GCN1: variants seen among roughly 807,000 people sequenced by gnomAD.
GCN1 encodes the protein GCN1 activator of EIF2AK4.
Under a neutral mutation model 288.4 loss-of-function variants are expected in GCN1, and 90 were observed. The observed-to-expected ratio is 0.31, with a 90% CI of 0.26 to 0.37. GCN1 has a LOEUF of 0.37. Among genes scored for constraint, GCN1 ranks in the 10% least tolerant of loss-of-function variants. The pLI, the probability that GCN1 is intolerant of heterozygous loss-of-function variation, is 1.00. For missense variants in GCN1, 2,586 were observed against 3,419.9 expected (o/e 0.76, Z 6.08); for synonymous variants, 1,386 against 1,420.2 (o/e 0.98, Z 0.54).
Position 120,194,666 on chromosome 12 carries a change from G to A in GCN1, c.18+14C>T, listed in dbSNP as rs1229398550. On this transcript the variant is annotated intron_variant, in intron 1 of 57. Transcript: ENST00000300648. ...AGTCCCTGGCCGCGTTGGCCCCGCAGCCGCCCGCCTCACCTGCGTGTCCGC... is the reference window on the plus strand; with the variant it reads ...AGTCCCTGGCCGCGTTGGCCCCGCAACCGCCCGCCTCACCTGCGTGTCCGC... The A allele has an allele frequency of 6.6e-7, 1 of 1,514,316 alleles. No individual in the cohort carries two copies. The highest frequency in any genetic ancestry group is 8.8e-7 in the Non-Finnish European group (1 of 1,137,706). 93.8% of individuals were successfully genotyped at this position (1,514,316 alleles called of 1,614,324 possible).
chr12:120,191,213 G>C (rs1878994808), intron 1 of GCN1, among the ~76,000 whole-genome samples: 1 of 152,352 alleles, frequency 6.6e-6, no homozygotes, highest in Non-Finnish European at 1.5e-5. Context: ...TCACTGCTCA[G>C]AGTGGGGTCG....
rs893901812 is a variant in GCN1, at chr12:120,142,343, A to T, written c.5829+164T>A. Among the ~76,000 whole-genome samples, 1 of 152,166 alleles carries T rather than the reference A, an allele frequency of 6.6e-6. No individual in the cohort carries two copies. Among genetic ancestry groups the T allele is most frequent in the African/African-American group, 2.4e-5 (1 of 41,430 alleles). ...TCCACCTCAAAAAAATAAATAAAAT[A>T]AAATTAATCAAAAAATATTTGCAGA... On this transcript the variant is annotated intron_variant, in intron 44 of 57. Coordinates refer to ENST00000300648, the MANE Select transcript of GCN1 (RefSeq NM_006836.2). This position sits in a 1 kb window ranked among gnomAD's most constrained non-coding sequence, Gnocchi z 4.9.
intron 22 of GCN1, 137 bp from the exon 23 acceptor site, chr12:120,160,392 T>C (rs1877888547): frequency 1.6e-6 from 1 of 638,342 alleles, no homozygotes; most frequent in Non-Finnish European, 2.8e-6. Flanking sequence ...GAACCCACCA[T>C]GTGCACCCCC....
chr12:120,148,361 C>T lies in GCN1; in HGVS notation c.4547-15G>A, dbSNP rs1476733524. The T allele has an allele frequency of 1.2e-6, 2 of 1,607,628 alleles. No individual in the cohort carries two copies. Among genetic ancestry groups the T allele is most frequent in the East Asian group, 4.5e-5 (2 of 44,854 alleles). On this transcript the variant is annotated splice_polypyrimidine_tract_variant and intron_variant, in intron 36 of 57. Coordinates refer to ENST00000300648, the MANE Select transcript of GCN1 (RefSeq NM_006836.2). ...CTCCACTGACCCTGTGGATAGCAGA[C>T]ACAAGCCCAGTACTGAATCACTGAG...
chr12:120,139,009 TA>T (rs67609099), intron 45 of GCN1, 153 bp from the exon 46 acceptor site: 51 of 608,386 alleles, frequency 8.4e-5, no homozygotes, highest in Middle Eastern at 4.8e-4. Flanking sequence ...TACTGTGAAA[TA>T]AAAAAAAGGA....
chr12:120,181,876 A>G (rs1485569527), intron 5 of GCN1, among the ~76,000 whole-genome samples: 1 of 145,602 alleles, frequency 6.9e-6, no homozygotes, highest in African/African-American at 2.6e-5. Context: ...GCTGGGCACA[A>G]TGGCTCATAC....
chr12:120,194,629 C>T (rs1350557741), intron 1 of GCN1, 51 bp downstream of exon 1: 2 of 1,498,450 alleles, frequency 1.3e-6, no homozygotes, highest in East Asian at 2.6e-5. Context: ...CCGACGGCCA[C>T]CGTCCGCACC....
rs1877800061 is a variant in GCN1 at position 120,157,842 on chromosome 12, T to C, written c.3087+7A>G. The C allele has an allele frequency of 6.2e-7, 1 of 1,611,838 alleles. No homozygotes were observed. Among genetic ancestry groups the C allele is most frequent in the Non-Finnish European group, 8.5e-7 (1 of 1,178,590 alleles). On this transcript the variant is annotated splice_region_variant and intron_variant, in intron 26 of 57. Transcript: ENST00000300648. Reference sequence around the variant, plus strand: ...AACCAAGAGGAGAGCAGAGCTTCCCTGCCAACCTCGTCCACCCGCCCGGGT... The same window carrying C: ...AACCAAGAGGAGAGCAGAGCTTCCCCGCCAACCTCGTCCACCCGCCCGGGT...
chr12:120,142,896 T>C lies in GCN1; in HGVS notation c.5541A>G (p.Ser1847=). Residue 1847 remains serine, a synonymous_variant, in exon 43 of 58, where the codon TCA becomes TCG. Transcript: ENST00000300648. The surrounding 1 kb of genome is among the most constrained non-coding windows in gnomAD (Gnocchi z 4.9). The part of the protein sequence containing the change: ...QLLGDLLFHI[S]GVTGKMTTET... Reference sequence around the variant, plus strand: ...CTGTGGTCATCTTCCCAGTGACTCCTGAGATGTGAAACAGGAGATCCCCAA... The same window carrying C: ...CTGTGGTCATCTTCCCAGTGACTCCCGAGATGTGAAACAGGAGATCCCCAA... The C allele has an allele frequency of 6.2e-7, 1 of 1,613,786 alleles. No homozygotes were observed. Among genetic ancestry groups the C allele is most frequent in the Non-Finnish European group, 8.5e-7 (1 of 1,179,684 alleles).
chr12:120,174,361 C>A (rs764264811), intron 12 of GCN1, among the ~76,000 whole-genome samples, 192 bp from the exon 13 acceptor site: 2 of 152,234 alleles, frequency 1.3e-5, no homozygotes, highest in Middle Eastern at 3.4e-3. Context: ...AGAAGCCAAG[C>A]CTCCTGCTAG....
At chr12:120,151,014 C>T in intron 34 of GCN1, 131 bp downstream of exon 34, 1 of 981,200 alleles carries the variant, frequency 1.0e-6, no homozygotes, top group Non-Finnish European at 1.5e-6. Flanking sequence ...CTGGGTCGCA[C>T]ACAGCGGGGC....
Position 120,130,662 on chromosome 12 carries a change from G to A in GCN1, c.7655C>T (p.Ser2552Phe), listed in dbSNP as rs570700576. The stretch of plus-strand genomic sequence containing the variant: ...CCCACTCACCTTAACGAACAGGCTG[G>A]AAAGTTTGGCCGGCAACTGCCCTCC... ...TGGGQLPAKL[S>F]SLFVKCLQNP... Residue 2552 changes from serine to phenylalanine, a missense_variant, in exon 56 of 58, where the codon TCC becomes TTC. Coordinates refer to ENST00000300648, the MANE Select transcript of GCN1 (RefSeq NM_006836.2). 1 of 1,612,968 alleles carries A rather than the reference G, an allele frequency of 6.2e-7. No homozygotes were observed. The highest frequency in any genetic ancestry group is 1.7e-5 in the Admixed American group (1 of 60,000).
intron 2 of GCN1, among the ~76,000 whole-genome samples, chr12:120,186,774 C>T (rs1468364584): frequency 1.3e-5 from 2 of 152,228 alleles, no homozygotes; most frequent in Non-Finnish European, 2.9e-5. Context: ...CAATGCGTTA[C>T]ATTTACTCCA....
Position 120,156,481 on chromosome 12 carries a change from C to T in GCN1, c.3292G>A (p.Val1098Met), listed in dbSNP as rs1263092625. Residue 1098 changes from valine (V) to methionine (M), a missense_variant, in exon 28 of 58, where the codon GTG (valine) becomes ATG (methionine). Transcript: ENST00000300648. The surrounding 1 kb of genome is among the most constrained non-coding windows in gnomAD (Gnocchi z 5.8). ...CACACCCGGAGCACGGTTTCCCGCA[C>T]GCTGGCACACGGGGACTGCAAGGCA... ...LCALQSPCAS[V>M]RETVLRGLME... is the part of the protein sequence containing the mutation. 15 of 1,613,830 alleles carry T rather than the reference C, an allele frequency of 9.3e-6. No individual in the cohort carries two copies. The highest frequency in any genetic ancestry group is 3.3e-5 in the South Asian group (3 of 91,074).
intron 14 of GCN1, among the ~76,000 whole-genome samples, chr12:120,172,995 C>T (rs1289675830): frequency 6.0e-5 from 9 of 151,168 alleles, no homozygotes; most frequent in Admixed American, 3.3e-4. Context: ...GAAGGAAGGG[C>T]GGTGGTCATT....
At chr12:120,161,626 G>T (rs180939922) in intron 21 of GCN1, 43 bp from the exon 22 acceptor site, 2 of 1,428,150 alleles carry the variant, frequency 1.4e-6, no homozygotes, top group Middle Eastern at 1.8e-4. Context: ...GAAAAGCACC[G>T]CAAGTCCTGT....
At chr12:120,185,282 T>TA (rs1878785394) in intron 2 of GCN1, among the ~76,000 whole-genome samples, 1 of 152,054 alleles carries the variant, frequency 6.6e-6, no homozygotes. Flanking sequence ...ATAAACGGTT[T>TA]AAAAAACAGT....
rs780418328 is a variant in GCN1, at chr12:120,162,956, C to G, written c.2054G>C (p.Gly685Ala). The G allele has an allele frequency of 6.2e-7, 1 of 1,614,208 alleles. No individual in the cohort carries two copies. The highest frequency in any genetic ancestry group is 8.5e-7 in the Non-Finnish European group (1 of 1,180,024). ...HHPSLVAVQS[G>A]LWPALLARMK... ...CCTGGCAAGAAGTGCTGGCCAAAGT[C>G]CAGACTGCACGGCAACTGAAGGGGA... The change falls in exon 20 of 58, where the codon GGA becomes GCA. Residue 685 changes from glycine (G) to alanine (A), a missense_variant. Around this residue, in one of 8 missense-constraint regions of GCN1, gnomAD observed 913 missense variants for 1,107.0 expected, o/e 0.82. Coordinates refer to ENST00000300648, the MANE Select transcript of GCN1 (RefSeq NM_006836.2).
intron 5 of GCN1, among the ~76,000 whole-genome samples, chr12:120,183,153 C>T (rs998547626): frequency 6.6e-6 from 1 of 152,126 alleles, no homozygotes; most frequent in Non-Finnish European, 1.5e-5. Context: ...ATTCCATTCA[C>T]CAGTTCAACA....
Sources: gnomAD v4.1 joint callset for allele counts (sites outside exome capture counted in the v4.1 genomes callset) on GRCh38, gnomAD v4.1.1 for gene constraint, gnomAD v4.1.1 regional missense constraint, Gnocchi (gnomAD v3.1) non-coding constraint, MANE v1.5 for transcripts, NCBI Gene and HGNC (gene_info 2026-07-23, HGNC 2026-07-21) for gene names.